The following DLG2 variants were observed in gnomAD, a reference collection of about 807,000 sequenced individuals.
DLG2 encodes the protein disks large homolog 2.
A neutral mutation model predicts 132.5 loss-of-function variants in DLG2; 45 were observed. That is an observed-to-expected ratio of 0.34 (90% CI 0.27 to 0.44). The LOEUF (loss-of-function observed/expected upper bound fraction) is 0.44. Ranked by LOEUF, DLG2 falls within the 20% of genes least tolerant of loss-of-function variation. DLG2 has a pLI of 1.00. For missense variants in DLG2, 1,045 were observed against 1,196.9 expected, an observed-to-expected ratio of 0.87 and a Z score of 1.87; for synonymous variants, 424 against 419.6, an observed-to-expected ratio of 1.01 and a Z score of -0.13.
chr11:85,521,358 T>G (rs965298118), intron 3 of DLG2, among the ~76,000 whole-genome samples: 1 of 152,180 alleles, frequency 6.6e-6, no homozygotes, highest in Non-Finnish European at 1.5e-5. Context: ...AAGGATGTGT[T>G]TGCTTCCCCT....
intron 6 of DLG2, among the ~76,000 whole-genome samples, chr11:85,027,657 G>A (rs2084301489): frequency 6.6e-6 from 1 of 152,242 alleles, no homozygotes; most frequent in Admixed American, 6.5e-5. Context: ...CCAGGCACCA[G>A]CACAAGTGCC....
intron 7 of DLG2, among the ~76,000 whole-genome samples, chr11:84,483,363 T>C (rs1295960045): frequency 7.0e-6 from 1 of 142,766 alleles, no homozygotes; most frequent in Non-Finnish European, 1.5e-5. Flanking sequence ...GCCCGGGAGA[T>C]GGGGTTGCAG....
rs558957284 is a variant in DLG2, at chr11:85,034,598, T to A, written c.357+77063A>T. Among the ~76,000 whole-genome samples, 54 of 152,236 alleles carry A rather than the reference T, an allele frequency of 3.5e-4. No individual in the cohort carries two copies. In the East Asian group the frequency reaches 0.01, roughly 29 times the overall value. ...TTCCTTTTTTCTCCAGCATAAGAAC[T>A]GAGAGTAGTTTTTCAGGAAAACTTC... On this transcript the variant is annotated intron_variant, in intron 6 of 27. Transcript: ENST00000376104.
At chr11:85,477,388 G>T (rs959345568) in intron 3 of DLG2, among the ~76,000 whole-genome samples, 3 of 152,074 alleles carry the variant, frequency 2.0e-5, no homozygotes, top group Admixed American at 2.0e-4. Context: ...AGGTAGAGAA[G>T]GATTTCTTAA....
At chr11:84,638,254 C>T (rs1006903322) in intron 6 of DLG2, among the ~76,000 whole-genome samples, 10 of 152,106 alleles carry the variant, frequency 6.6e-5, no homozygotes, top group African/African-American at 2.2e-4. Context: ...CCAAATGTGT[C>T]CTTGGCACCA....
chr11:85,275,283 A>T (rs1365436096), intron 4 of DLG2, among the ~76,000 whole-genome samples: 1 of 152,114 alleles, frequency 6.6e-6, no homozygotes, highest in Non-Finnish European at 1.5e-5. Flanking sequence ...TGCTAATATG[A>T]TATCTGGTAT....
At position 83,780,253 on chromosome 11, in the gene DLG2, C is replaced by CA. The variant is rs754550446; in HGVS notation, c.1825+6436dup. 9.9e-5 allele frequency among the ~76,000 whole-genome samples: 15 copies of CA among 152,266 alleles called. No homozygotes were observed. The East Asian group carries it at 2.1e-3, about 22-fold the overall frequency. On this transcript the variant is annotated intron_variant, in intron 18 of 27. Transcript: ENST00000376104. ...AGGTACAGAAGGTGTCCATATTTTTCAAGGGATAAATTGCATATTCATGTC... is the reference window on the plus strand; with the variant it reads ...AGGTACAGAAGGTGTCCATATTTTTCAAAGGGATAAATTGCATATTCATGTC...
At chr11:85,011,765 G>C (rs534837696) in intron 6 of DLG2, among the ~76,000 whole-genome samples, 1 of 152,244 alleles carries the variant, frequency 6.6e-6, no homozygotes, top group Non-Finnish European at 1.5e-5. Context: ...GAGAATTCCA[G>C]TCTCTTATAA....
At chr11:84,754,398 C>G (rs2066584889) in intron 6 of DLG2, among the ~76,000 whole-genome samples, 1 of 152,086 alleles carries the variant, frequency 6.6e-6, no homozygotes, top group Non-Finnish European at 1.5e-5. Flanking sequence ...TATAACAATG[C>G]ATCTGCTAGA....
At chr11:85,170,025 T>A (rs2078730173) in intron 4 of DLG2, among the ~76,000 whole-genome samples, 1 of 152,188 alleles carries the variant, frequency 6.6e-6, no homozygotes, top group South Asian at 2.1e-4. Flanking sequence ...GATTCCTGGC[T>A]AAGCCTAAAA....
chr11:85,172,000 G>A (rs2152494944), intron 4 of DLG2, among the ~76,000 whole-genome samples: 2 of 152,344 alleles, frequency 1.3e-5, no homozygotes, highest in Middle Eastern at 6.8e-3. Flanking sequence ...CTGTCCCTGT[G>A]GTTCAGCTGG....
intron 9 of DLG2, among the ~76,000 whole-genome samples, chr11:84,149,851 G>A (rs71469629): frequency 0.035 from 5,259 of 151,960 alleles, 139 homozygotes; most frequent in Non-Finnish European, 0.055. Flanking sequence ...TCCACCTCCC[G>A]GGTTCAAGTG....
intron 7 of DLG2, among the ~76,000 whole-genome samples, chr11:84,285,093 A>AT (rs1220947363): frequency 6.6e-6 from 1 of 152,012 alleles, no homozygotes; most frequent in African/African-American, 2.4e-5. Flanking sequence ...TCCCTTGTTT[A>AT]TTTTTTTGGC....
At position 85,119,790 on chromosome 11, in the gene DLG2, A is replaced by T. The variant is rs932316116; in HGVS notation, c.283-8055T>A. ...GAAAGAAATGCCATTCAGAAACAAG[A>T]TGAAAGTAATTCACTTCTATTCTCT... On this transcript the variant is annotated intron_variant, in intron 5 of 27. Coordinates refer to ENST00000376104, the MANE Select transcript of DLG2 (RefSeq NM_001142699.3). Among the ~76,000 whole-genome samples the T allele has an allele frequency of 3.9e-5, 6 of 152,220 alleles. No individual in the cohort carries two copies. In the East Asian group the frequency reaches 7.7e-4, roughly 20 times the overall value.
chr11:83,790,311 G>T lies in DLG2; in HGVS notation c.1723-3519C>A, dbSNP rs554801449. ...GTGTGAACTGTTTTACCATGGGAGC[G>T]AAAGCTCAAGCTTAAAAGGTAACAG... On this transcript the variant is annotated intron_variant, in intron 17 of 27. Transcript: ENST00000376104. 1,648 of 905,636 alleles carry T rather than the reference G, an allele frequency of 1.8e-3. 5 individuals carry two copies. The highest frequency in any genetic ancestry group is 2.7e-3 in the Non-Finnish European group (1,510 of 559,072). The allele number at this position is 905,636 out of a possible 1,614,324, so 56.1% of individuals were successfully genotyped here.
chr11:83,799,889 C>A (rs776743001), intron 17 of DLG2, among the ~76,000 whole-genome samples: 1 of 152,146 alleles, frequency 6.6e-6, no homozygotes, highest in Non-Finnish European at 1.5e-5. Flanking sequence ...GTGGTCAGTA[C>A]CCTGGTCAAA....
intron 10 of DLG2, among the ~76,000 whole-genome samples, chr11:84,085,356 T>C (rs1368060777): frequency 1.3e-5 from 2 of 152,210 alleles, no homozygotes; most frequent in Non-Finnish European, 2.9e-5. Context: ...ACAACATGTG[T>C]CTGGAGAGAC....
intron 18 of DLG2, among the ~76,000 whole-genome samples, chr11:83,728,915 G>T (rs1279272333): frequency 1.3e-5 from 2 of 152,156 alleles, no homozygotes; most frequent in East Asian, 3.8e-4. Flanking sequence ...ATAAATTAAG[G>T]TTGGTAGAAT....
At chr11:85,286,078 GA>G (rs747939690) in intron 3 of DLG2, 197 of 428,780 alleles carry the variant, frequency 4.6e-4, no homozygotes, top group Admixed American at 1.2e-3. Flanking sequence ...AAGTCAACAG[GA>G]AAAAAAAAGT....
Sources: allele counts gnomAD v4.1 joint callset (sites outside exome capture counted in the v4.1 genomes callset), GRCh38; gene constraint gnomAD v4.1.1; transcripts MANE v1.5; gene names NCBI Gene and HGNC (gene_info 2026-07-23, HGNC 2026-07-21).